The following ERICH6 variants were observed in gnomAD, a reference collection of about 807,000 sequenced individuals.
The protein encoded by ERICH6 is glutamate-rich protein 6.
In ERICH6, 71 loss-of-function variants were observed where a neutral mutation model predicts 71.0. The observed-to-expected ratio is 1.00, with a 90% CI of 0.83 to 1.22. The LOEUF is 1.22. ERICH6 is among the 50% of genes most tolerant of loss of function. The pLI, the probability that ERICH6 is intolerant of heterozygous loss-of-function variation, is 0.00. For synonymous variants in ERICH6, 262 were observed against 278.4 expected (o/e 0.94, Z 0.59); for missense variants, 808 against 797.2 (o/e 1.01, Z -0.16).
intron 11 of ERICH6, among the ~76,000 whole-genome samples, 165 bp downstream of exon 11, chr3:150,673,790 AG>A (rs907499823): frequency 6.6e-6 from 1 of 152,162 alleles, no homozygotes; most frequent in Non-Finnish European, 1.5e-5. Flanking sequence ...CATGTTGCCC[AG>A]GCTGGTCTCA....
intron 11 of ERICH6, 129 bp from the exon 12 acceptor site, chr3:150,669,580 A>G (rs928040554): frequency 2.0e-5 from 20 of 997,310 alleles, no homozygotes; most frequent in African/African-American, 5.1e-5. Context: ...TATTAATACA[A>G]AAGATTTTAT....
At position 150,703,611 on chromosome 3, in the gene ERICH6, G is replaced by A. The variant is rs1468097421; in HGVS notation, c.288C>T (p.Pro96=). The A allele has an allele frequency of 3.1e-6, 5 of 1,613,938 alleles. No individual in the cohort carries two copies. The highest frequency in any genetic ancestry group is 1.1e-5 in the South Asian group (1 of 91,074). ...DYDDDFPDVR[P]RLASIVSPSL... is the part of the protein sequence containing the mutation. Reference sequence around the variant, plus strand: ...TAGGGCTGACGATGCTGGCTAAGCGGGGGCGCACGTCTGGGAAGTCGTCGT... The same window carrying A: ...TAGGGCTGACGATGCTGGCTAAGCGAGGGCGCACGTCTGGGAAGTCGTCGT... The change falls in exon 1 of 14, where the codon CCC becomes CCT. Residue 96 remains proline, a synonymous_variant. Transcript: ENST00000295910.
chr3:150,703,102 G>T (rs1712979101), intron 1 of ERICH6, among the ~76,000 whole-genome samples: 1 of 151,974 alleles, frequency 6.6e-6, no homozygotes, highest in Non-Finnish European at 1.5e-5. Flanking sequence ...AGATTAGCTG[G>T]GTGTGGTGGC....
At chr3:150,687,162 G>A (rs1712227844) in intron 3 of ERICH6, among the ~76,000 whole-genome samples, 2 of 152,198 alleles carry the variant, frequency 1.3e-5, no homozygotes, top group South Asian at 4.1e-4. Context: ...AGGGTTATTT[G>A]AACATAAGCA....
At chr3:150,664,583 G>T (rs928956945) in intron 13 of ERICH6, among the ~76,000 whole-genome samples, 6 of 151,618 alleles carry the variant, frequency 4.0e-5, no homozygotes, top group Non-Finnish European at 8.8e-5. Context: ...GGAGGTGGAG[G>T]TTGCAGTGAG....
At chr3:150,681,762 C>T (rs989732008) in intron 7 of ERICH6, among the ~76,000 whole-genome samples, 5 of 151,160 alleles carry the variant, frequency 3.3e-5, no homozygotes, top group South Asian at 4.2e-4. Context: ...AGTGGTATCC[C>T]ACTGTGCTTG....
intron 3 of ERICH6, among the ~76,000 whole-genome samples, chr3:150,696,406 C>T (rs1056874538): frequency 3.3e-5 from 5 of 151,978 alleles, no homozygotes; most frequent in African/African-American, 1.2e-4. Context: ...TTTTAAACCA[C>T]AAAATGTGAG....
At chr3:150,660,519 A>C (rs184355918) in intron 13 of ERICH6, among the ~76,000 whole-genome samples, 1 of 152,112 alleles carries the variant, frequency 6.6e-6, no homozygotes. Context: ...GCTCACTGGG[A>C]AGGCACTGAG....
At chr3:150,697,916 A>G (rs1712712793) in intron 3 of ERICH6, among the ~76,000 whole-genome samples, 2 of 152,120 alleles carry the variant, frequency 1.3e-5, no homozygotes, top group Admixed American at 1.3e-4. Flanking sequence ...CTGCAGCCAC[A>G]CTGGCCTCTT....
Position 150,660,117 on chromosome 3 carries a change from T to TA in ERICH6, c.1766dup (p.Ser590LysfsTer4). 2 of 1,614,032 alleles carry TA rather than the reference T, an allele frequency of 1.2e-6. No homozygotes were observed. Among genetic ancestry groups the TA allele is most frequent in the South Asian group, 2.2e-5 (2 of 91,078 alleles). ...CCAGCAGAAGAAGGTCATCTCCACTTACGTATCGGAGGATTGGAATCTCCT... is the reference window on the plus strand; with the variant it reads ...CCAGCAGAAGAAGGTCATCTCCACTTAACGTATCGGAGGATTGGAATCTCCT... On this transcript the variant is annotated frameshift_variant, in exon 14 of 14. Coordinates refer to ENST00000295910, the MANE Select transcript of ERICH6 (RefSeq NM_152394.5). LOFTEE classifies it low-confidence loss of function (END_TRUNC).
At chr3:150,680,712 A>G in intron 8 of ERICH6, 61 bp downstream of exon 8, 1 of 1,563,022 alleles carries the variant, frequency 6.4e-7, no homozygotes, top group East Asian at 2.2e-5. Flanking sequence ...AGGTTCATTT[A>G]CAAAACGAGC....
At position 150,669,338 on chromosome 3, in the gene ERICH6, G is replaced by T. The variant is rs1193492890; in HGVS notation, c.1457C>A (p.Ser486Tyr). 1 of 1,612,352 alleles carries T rather than the reference G, an allele frequency of 6.2e-7. No individual in the cohort carries two copies. The highest frequency in any genetic ancestry group is 1.3e-5 in the African/African-American group (1 of 75,006). ...TNPAILAVLD[S>Y]SGRSSCYHPN... ...ATGATAGCAGGAACTTCTGCCAGAG[G>T]AATCCAGCACTGCTAGGATAGCAGG... is the stretch of plus-strand genomic sequence containing the variant. The change falls in exon 12 of 14, where the codon TCC becomes TAC. Residue 486 changes from serine to tyrosine, a missense_variant. Transcript: ENST00000295910.
intron 13 of ERICH6, 94 bp from the exon 14 acceptor site, chr3:150,660,249 GA>G: frequency 2.9e-6 from 4 of 1,401,108 alleles, no homozygotes; most frequent in Non-Finnish European, 2.9e-6. Flanking sequence ...TGTGGGGTTG[GA>G]TTCCCTGATG....
At chr3:150,667,460 C>G (rs1727466889) in intron 12 of ERICH6, among the ~76,000 whole-genome samples, 1 of 152,134 alleles carries the variant, frequency 6.6e-6, no homozygotes, top group Non-Finnish European at 1.5e-5. Flanking sequence ...CTGGCAATTC[C>G]CAACTAGGAG....
chr3:150,689,645 C>G (rs1456850880), intron 3 of ERICH6, among the ~76,000 whole-genome samples: 1 of 152,092 alleles, frequency 6.6e-6, no homozygotes, highest in East Asian at 1.9e-4. Flanking sequence ...CTTTTTTCCT[C>G]CTAGAATCTT....
At position 150,667,107 on chromosome 3, in the gene ERICH6, C is replaced by T. The variant is rs550644427; in HGVS notation, c.1500-92G>A. 26 of 1,186,600 alleles carry T rather than the reference C, an allele frequency of 2.2e-5. No homozygotes were observed. The South Asian group carries it at 2.4e-4, about 11-fold the overall frequency. The allele number at this position is 1,186,600 out of a possible 1,614,324, so 73.5% of individuals were successfully genotyped here. On this transcript the variant is annotated intron_variant, in intron 12 of 13. Transcript: ENST00000295910. ...GTCACTTGCTAACCAAGGGGAGTAA[C>T]GGTTTATGCCAGCGATTAGCAGGAG...
At position 150,673,840 on chromosome 3, in the gene ERICH6, C is replaced by T; in HGVS notation, c.1343+116G>A. The T allele has an allele frequency of 8.8e-6, 8 of 908,496 alleles. No homozygotes were observed. In the South Asian group the frequency reaches 1.3e-4, roughly 15 times the overall value. The allele number at this position is 908,496 out of a possible 1,614,324, so 56.3% of individuals were successfully genotyped here. A position where few individuals can be genotyped will look rare whatever the true frequency, so the allele number is the denominator to read the frequency against. ...AAGTGATCTGCCCACCTCAGCCTCCCAAAGTGCTGGCATTACAGGTGTGAG... is the reference window on the plus strand; with the variant it reads ...AAGTGATCTGCCCACCTCAGCCTCCTAAAGTGCTGGCATTACAGGTGTGAG... On this transcript the variant is annotated intron_variant, in intron 11 of 13. Transcript: ENST00000295910.
At chr3:150,694,180 A>G (rs566048825) in intron 3 of ERICH6, among the ~76,000 whole-genome samples, 1 of 152,290 alleles carries the variant, frequency 6.6e-6, no homozygotes, top group East Asian at 1.9e-4. Flanking sequence ...GCCATGAAAG[A>G]TCAGAAACAA....
intron 1 of ERICH6, 91 bp from the exon 2 acceptor site, chr3:150,702,269 A>AC (rs1712908242): frequency 5.7e-6 from 2 of 352,280 alleles, no homozygotes; most frequent in African/African-American, 2.6e-5. Context: ...ATGTCTGGAG[A>AC]CTTTTTTTTT....
Sources: allele counts gnomAD v4.1 joint callset (sites outside exome capture counted in the v4.1 genomes callset), GRCh38; gene constraint gnomAD v4.1.1; transcripts MANE v1.5; gene names NCBI Gene and HGNC (gene_info 2026-07-23, HGNC 2026-07-21).